BRCA1: variants seen among roughly 807,000 people sequenced by gnomAD.
BRCA1 encodes breast cancer type 1 susceptibility protein.
Under a neutral mutation model 173.7 loss-of-function variants are expected in BRCA1, and 140 were observed. That is an observed-to-expected ratio of 0.81 (90% CI 0.70 to 0.93). BRCA1 has a LOEUF of 0.93. Ranked by LOEUF, BRCA1 falls within the 40% of genes least tolerant of loss-of-function variation. The pLI is 0.00. For synonymous variants in BRCA1, 662 were observed against 756.0 expected (o/e 0.88, Z 2.04); for missense variants, 1,983 against 2,172.5 (o/e 0.91, Z 1.73).
At position 43,071,119 on chromosome 17, in the gene BRCA1, C is replaced by T. The variant is rs1597831380; in HGVS notation, c.4795G>A (p.Ala1599Thr). Residue 1599 changes from alanine (A) to threonine (T), a missense_variant, in exon 15 of 23, where the codon GCA becomes ACA. Coordinates refer to ENST00000357654, the MANE Select transcript of BRCA1 (RefSeq NM_007294.4). ...RVGNIPSSTS[A>T]LKVPQLKVAE... is the part of the protein sequence containing the mutation. ...ACTTTCAATTGGGGAACTTTCAATG[C>T]AGAGGTTGAAGATGGTATGTTGCCA... 2 of 1,614,186 alleles carry T rather than the reference C, an allele frequency of 1.2e-6. No homozygotes were observed. The highest frequency in any genetic ancestry group is 2.2e-5 in the South Asian group (2 of 91,082).
chr17:43,141,141 C>G (rs993126859), intron 1 of BRCA1, among the ~76,000 whole-genome samples: 3 of 152,168 alleles, frequency 2.0e-5, no homozygotes, highest in African/African-American at 7.2e-5. Flanking sequence ...CTCCCCCTCC[C>G]AGGCTACTGG....
At position 43,108,442 on chromosome 17, in the gene BRCA1, G is replaced by A. The variant is rs573241959; in HGVS notation, c.135-1909C>T. 3.3e-5 allele frequency among the ~76,000 whole-genome samples: 5 copies of A among 151,692 alleles called. No individual in the cohort carries two copies. The South Asian group carries it at 1.0e-3, about 32-fold the overall frequency. On this transcript the variant is annotated intron_variant, in intron 3 of 22. Coordinates refer to ENST00000357654, the MANE Select transcript of BRCA1 (RefSeq NM_007294.4). ...TTACCCTCTCTTGGCCGGGTGCAGTGGCTCATGTCTGCAATCCCAGGAGGC... is the reference window on the plus strand; with the variant it reads ...TTACCCTCTCTTGGCCGGGTGCAGTAGCTCATGTCTGCAATCCCAGGAGGC...
rs80357209 is a variant in BRCA1 at position 43,104,939 on chromosome 17, G to C, written c.230C>G (p.Thr77Arg). 1 of 1,613,506 alleles carries C rather than the reference G, an allele frequency of 6.2e-7. No individual in the cohort carries two copies. Among genetic ancestry groups the C allele is most frequent in the South Asian group, 1.1e-5 (1 of 91,078 alleles). ...CTCTTCAACAAGTTGACTAAATCTC[G>C]TACTTTCTTGTAGGCTCCTGAAATT... ...DITKRSLQES[T>R]RFSQLVEELL... Residue 77 changes from threonine (T) to arginine (R), a missense_variant, in exon 5 of 23, where the codon ACG (threonine) becomes AGG (arginine). Transcript: ENST00000357654.
intron 19 of BRCA1, among the ~76,000 whole-genome samples, chr17:43,054,640 T>G (rs1191851951): frequency 6.6e-6 from 1 of 152,136 alleles, no homozygotes; most frequent in African/African-American, 2.4e-5. Context: ...AGGGTCTTAC[T>G]ATGTTGCCCA....
chr17:43,104,359 T>G (rs1254580696), intron 5 of BRCA1, 98 bp from the exon 6 acceptor site: 13 of 1,348,332 alleles, frequency 9.6e-6, no homozygotes, highest in Non-Finnish European at 1.3e-5. Flanking sequence ...TGCTCTTTGT[T>G]GTGTTAAGAC....
intron 22 of BRCA1, among the ~76,000 whole-genome samples, chr17:43,047,382 T>G (rs2050958687): frequency 6.6e-6 from 1 of 152,014 alleles, no homozygotes. Context: ...ATTATAGGCA[T>G]GAGCCACCAT....
At chr17:43,149,764 C>T (rs1234559369) in intron 1 of BRCA1, among the ~76,000 whole-genome samples, 1 of 152,128 alleles carries the variant, frequency 6.6e-6, no homozygotes, top group East Asian at 1.9e-4. Context: ...AGTTTTCTTC[C>T]TTTCTCTTTG....
chr17:43,135,348 A>G (rs992730430), intron 1 of BRCA1, among the ~76,000 whole-genome samples: 16 of 152,324 alleles, frequency 1.1e-4, no homozygotes, highest in African/African-American at 3.8e-4. Flanking sequence ...CTTTCTTCCA[A>G]CTGCCGTTTG....
At chr17:43,131,084 T>G (rs187358947) in intron 1 of BRCA1, 1 of 178,066 alleles carries the variant, frequency 5.6e-6, no homozygotes, top group East Asian at 1.5e-4. Context: ...TTGTTTGTTG[T>G]CTTCTGATTT....
chr17:43,070,812 G>C, intron 15 of BRCA1, 116 bp downstream of exon 15: 1 of 1,225,474 alleles, frequency 8.2e-7, no homozygotes, highest in Middle Eastern at 1.9e-4. Flanking sequence ...ACACAGAACT[G>C]TGATTGTTTT....
At chr17:43,161,709 T>A (rs1478997644) in intron 1 of BRCA1, 1 of 152,176 alleles carries the variant, frequency 6.6e-6, no homozygotes, top group African/African-American at 2.4e-5. Flanking sequence ...TATTGTCTAA[T>A]GATTGAGGCT....
At chr17:43,086,515 G>A (rs535126949) in intron 11 of BRCA1, among the ~76,000 whole-genome samples, 10 of 152,172 alleles carry the variant, frequency 6.6e-5, no homozygotes, top group East Asian at 1.9e-4. Flanking sequence ...TACTTTAGAC[G>A]TAAGACAGCC....
At chr17:43,096,770 A>C (rs1437686809) in intron 8 of BRCA1, among the ~76,000 whole-genome samples, 1 of 152,238 alleles carries the variant, frequency 6.6e-6, no homozygotes. Flanking sequence ...CTGTGTCAAT[A>C]TTACTGTATA....
At chr17:43,095,319 A>C (rs2054086595) in intron 9 of BRCA1, among the ~76,000 whole-genome samples, 2 of 152,200 alleles carry the variant, frequency 1.3e-5, no homozygotes, top group South Asian at 4.1e-4. Context: ...CAGTGGCTCA[A>C]GCCTGTAACT....
chr17:43,137,019 T>G (rs2056030242), intron 1 of BRCA1, among the ~76,000 whole-genome samples: 1 of 151,996 alleles, frequency 6.6e-6, no homozygotes, highest in Admixed American at 6.6e-5. Flanking sequence ...TAGCAAAGAC[T>G]TGGAACCAAC....
intron 2 of BRCA1, among the ~76,000 whole-genome samples, chr17:43,123,627 C>T (rs1240096673): frequency 6.6e-6 from 1 of 152,136 alleles, no homozygotes; most frequent in Non-Finnish European, 1.5e-5. Context: ...GGATTACAGG[C>T]ATAAGCCACC....
chr17:43,132,191 T>C (rs975572766), intron 1 of BRCA1, among the ~76,000 whole-genome samples: 2 of 152,222 alleles, frequency 1.3e-5, no homozygotes, highest in African/African-American at 4.8e-5. Flanking sequence ...TCACACACTC[T>C]GGGCTCTCTG....
At chr17:43,151,584 T>C (rs1007461515) in intron 1 of BRCA1, among the ~76,000 whole-genome samples, 1 of 152,198 alleles carries the variant, frequency 6.6e-6, no homozygotes, top group African/African-American at 2.4e-5. Flanking sequence ...AAGTTTTTTT[T>C]CCCTATATGT....
chr17:43,154,181 C>CT (rs1357301002), intron 1 of BRCA1, among the ~76,000 whole-genome samples: 35 of 151,806 alleles, frequency 2.3e-4, no homozygotes, highest in Admixed American at 1.4e-3. Flanking sequence ...GAGGAAGACT[C>CT]TGTCTCAATA....
Sources: gnomAD v4.1 joint callset for allele counts (sites outside exome capture counted in the v4.1 genomes callset) on GRCh38, gnomAD v4.1.1 for gene constraint, MANE v1.5 for transcripts, NCBI Gene and HGNC (gene_info 2026-07-23, HGNC 2026-07-21) for gene names.